The following WARS2 variants were observed in gnomAD, a reference collection of about 807,000 sequenced individuals.
WARS2 encodes the protein tryptophanyl tRNA synthetase 2, mitochondrial.
In WARS2, 28 loss-of-function variants were observed where a neutral mutation model predicts 36.5. The observed-to-expected ratio is 0.77, with a 90% CI of 0.57 to 1.05. The LOEUF is 1.05. Among genes scored for constraint, WARS2 ranks in the 50% least tolerant of loss-of-function variants. WARS2 has a pLI of 0.00. For synonymous variants in WARS2, 174 were observed against 178.4 expected (o/e 0.98, Z 0.20); for missense variants, 435 against 456.8 (o/e 0.95, Z 0.44).
intron 1 of WARS2, among the ~76,000 whole-genome samples, chr1:119,129,467 G>C (rs587619280): frequency 2.0e-5 from 3 of 152,142 alleles, no homozygotes; most frequent in Non-Finnish European, 4.4e-5. Context: ...TCAACACTTT[G>C]GGAGGCTGAG....
intron 1 of WARS2, among the ~76,000 whole-genome samples, chr1:119,084,025 G>GTT (rs1221473088): frequency 7.1e-5 from 10 of 141,774 alleles, no homozygotes; most frequent in South Asian, 2.2e-4. Flanking sequence ...CTCATACGAT[G>GTT]TTTTTTTTTT....
intron 1 of WARS2, among the ~76,000 whole-genome samples, chr1:119,129,666 G>A (rs1175197157): frequency 6.6e-6 from 1 of 151,904 alleles, no homozygotes; most frequent in Non-Finnish European, 1.5e-5. Flanking sequence ...AGTGAGCTAT[G>A]ACTGCACCAC....
intron 1 of WARS2, chr1:119,082,441 T>A: frequency 1.0e-6 from 1 of 985,408 alleles, no homozygotes. Flanking sequence ...ATGTACTTCA[T>A]CTCATGTAGT....
intron 1 of WARS2, among the ~76,000 whole-genome samples, chr1:119,119,316 G>A (rs1257678236): frequency 6.6e-6 from 1 of 151,930 alleles, no homozygotes; most frequent in Non-Finnish European, 1.5e-5. Context: ...AGTTAAAAAA[G>A]ACAAACAGAG....
At chr1:119,138,030 T>C (rs749450883) in intron 1 of WARS2, among the ~76,000 whole-genome samples, 3 of 152,194 alleles carry the variant, frequency 2.0e-5, no homozygotes, top group African/African-American at 4.8e-5. Flanking sequence ...AGGGAGTAAG[T>C]GCACAGCCAA....
At chr1:119,129,101 T>TA (rs1655903546) in intron 1 of WARS2, among the ~76,000 whole-genome samples, 1 of 152,220 alleles carries the variant, frequency 6.6e-6, no homozygotes, top group African/African-American at 2.4e-5. Flanking sequence ...CTGGCCACTG[T>TA]AGTCACAGAC....
intron 1 of WARS2, among the ~76,000 whole-genome samples, chr1:119,093,783 T>TTGCAC: frequency 6.6e-6 from 1 of 152,150 alleles, no homozygotes; most frequent in East Asian, 1.9e-4. Flanking sequence ...TAGAAAACTA[T>TTGCAC]TAATAGCACA....
chr1:119,101,477 T>C (rs1470449789), intron 1 of WARS2, among the ~76,000 whole-genome samples: 3 of 152,186 alleles, frequency 2.0e-5, no homozygotes, highest in African/African-American at 7.2e-5. Flanking sequence ...AATGAGATAA[T>C]TTCATAATTA....
chr1:119,075,205 A>G (rs1470819794), intron 2 of WARS2, among the ~76,000 whole-genome samples: 2 of 152,034 alleles, frequency 1.3e-5, no homozygotes, highest in Non-Finnish European at 1.5e-5. Context: ...ATCAAAAAAT[A>G]ACAATACCAC....
intron 1 of WARS2, among the ~76,000 whole-genome samples, chr1:119,103,579 T>A (rs1456398416): frequency 6.6e-6 from 1 of 152,022 alleles, no homozygotes; most frequent in Non-Finnish European, 1.5e-5. Flanking sequence ...TTTTTTGTAC[T>A]GAAACTTCAG....
chr1:119,109,892 T>C (rs1396512295), intron 1 of WARS2, among the ~76,000 whole-genome samples: 1 of 151,868 alleles, frequency 6.6e-6, no homozygotes, highest in African/African-American at 2.4e-5. Context: ...TTAGCATATC[T>C]ATTACACTTT....
intron 2 of WARS2, among the ~76,000 whole-genome samples, chr1:119,051,921 G>A (rs987422252): frequency 3.3e-5 from 5 of 151,520 alleles, no homozygotes; most frequent in Admixed American, 1.3e-4. Context: ...ACTACCGCCC[G>A]GCTAATTTTT....
chr1:119,047,588 A>G (rs985429906), intron 2 of WARS2: 1 of 152,244 alleles, frequency 6.6e-6, no homozygotes, highest in Non-Finnish European at 1.5e-5. Context: ...GTAAAAGGTC[A>G]ATGGCAATTA....
intron 1 of WARS2, among the ~76,000 whole-genome samples, chr1:119,135,284 C>T (rs1656405570): frequency 6.6e-6 from 1 of 152,190 alleles, no homozygotes. Flanking sequence ...GGCACTGTCT[C>T]AGGAGCCCCT....
intron 4 of WARS2, 24 bp downstream of exon 4, chr1:119,042,240 G>C: frequency 6.2e-7 from 1 of 1,609,740 alleles, no homozygotes; most frequent in East Asian, 2.2e-5. Flanking sequence ...GTATGTATAA[G>C]ACTGGGCTGA....
chr1:119,098,387 A>G (rs113320669), intron 1 of WARS2, among the ~76,000 whole-genome samples: 9 of 152,338 alleles, frequency 5.9e-5, no homozygotes, highest in South Asian at 2.1e-4. Flanking sequence ...ATCTCACTTT[A>G]AAGTTCAGAG....
At chr1:119,065,188 T>C (rs1344870366) in intron 2 of WARS2, among the ~76,000 whole-genome samples, 1 of 151,412 alleles carries the variant, frequency 6.6e-6, no homozygotes, top group Non-Finnish European at 1.5e-5. Context: ...AACTGATTTA[T>C]AGTGAAAATA....
chr1:119,051,507 C>T (rs1649349151), intron 2 of WARS2, among the ~76,000 whole-genome samples: 1 of 152,122 alleles, frequency 6.6e-6, no homozygotes, highest in South Asian at 2.1e-4. Context: ...CATATGTGTG[C>T]ATGTATCTTT....
chr1:119,074,698 T>A (rs1453981799), intron 2 of WARS2, among the ~76,000 whole-genome samples: 1 of 152,208 alleles, frequency 6.6e-6, no homozygotes, highest in Non-Finnish European at 1.5e-5. Context: ...ATTTGTGTGT[T>A]CTGCATCCAT....
Sources: gnomAD v4.1 joint callset for allele counts (sites outside exome capture counted in the v4.1 genomes callset) on GRCh38, gnomAD v4.1.1 for gene constraint, MANE v1.5 for transcripts, NCBI Gene and HGNC (gene_info 2026-07-23, HGNC 2026-07-21) for gene names.